Variants in EPB41L3 observed in about 807,000 individuals in gnomAD.
EPB41L3 encodes the protein band 4.1-like protein 3.
In EPB41L3, 57 loss-of-function variants were observed where a neutral mutation model predicts 127.1. The ratio of observed to expected loss-of-function variants is 0.45; its 90% confidence interval spans 0.36 to 0.56. The LOEUF is 0.56. EPB41L3 is among the 20% of genes least tolerant of loss of function. The pLI, the probability that EPB41L3 is intolerant of heterozygous loss-of-function variation, is 0.00. For synonymous variants in EPB41L3, 572 were observed against 549.5 expected, an observed-to-expected ratio of 1.04 and a Z score of -0.57; for missense variants, 1,273 against 1,372.2, an observed-to-expected ratio of 0.93 and a Z score of 1.14.
chr18:5,503,713 C>T (rs553648309), intron 1 of EPB41L3, among the ~76,000 whole-genome samples: 1 of 152,290 alleles, frequency 6.6e-6, no homozygotes, highest in African/African-American at 2.4e-5. Context: ...GCTATCAATT[C>T]GTGCATATTT....
chr18:5,481,561 G>A (rs945163879), intron 2 of EPB41L3, among the ~76,000 whole-genome samples: 2 of 152,238 alleles, frequency 1.3e-5, no homozygotes, highest in African/African-American at 4.8e-5. Context: ...CCATGGGAAG[G>A]AAGTGATGTG....
At position 5,392,684 on chromosome 18, in the gene EPB41L3, A is replaced by G. The variant is rs1382162847; in HGVS notation, c.*801T>C. 1 of 152,624 alleles carries G rather than the reference A, an allele frequency of 6.6e-6. No individual in the cohort carries two copies. Among genetic ancestry groups the G allele is most frequent in the Non-Finnish European group, 1.5e-5 (1 of 68,034 alleles). The allele number at this position is 152,624 out of a possible 1,614,324, so 9.5% of individuals were successfully genotyped here. On this transcript the variant is annotated 3_prime_UTR_variant, in exon 23 of 23. Transcript: ENST00000341928. ...AAGAAAACAAAGCCACAGGAAGCCCAGCAGTTTCTCCTGAAGTGAAATTTC... is the reference window on the plus strand; with the variant it reads ...AAGAAAACAAAGCCACAGGAAGCCCGGCAGTTTCTCCTGAAGTGAAATTTC...
intron 1 of EPB41L3, among the ~76,000 whole-genome samples, chr18:5,500,134 A>G (rs1441006389): frequency 6.6e-6 from 1 of 152,120 alleles, no homozygotes; most frequent in Non-Finnish European, 1.5e-5. Context: ...AATTGATAAG[A>G]AGTCAGTACC....
intron 1 of EPB41L3, among the ~76,000 whole-genome samples, chr18:5,537,000 A>C (rs547771558): frequency 6.6e-6 from 1 of 152,372 alleles, no homozygotes; most frequent in East Asian, 1.9e-4. Flanking sequence ...TACTGTGCTC[A>C]GTGTTTGCAT....
intron 3 of EPB41L3, among the ~76,000 whole-genome samples, chr18:5,591,463 C>T (rs1033973494): frequency 3.9e-5 from 6 of 152,164 alleles, no homozygotes; most frequent in Admixed American, 2.6e-4. Context: ...TATAAAGGCA[C>T]TAATCTCATT....
intron 1 of EPB41L3, among the ~76,000 whole-genome samples, chr18:5,505,687 T>C (rs2092114936): frequency 7.8e-6 from 1 of 128,974 alleles, no homozygotes; most frequent in Non-Finnish European, 1.6e-5. Flanking sequence ...TCTCCACTCC[T>C]TCACCTCCAC....
At chr18:5,549,139 T>A (rs111413907), upstream of EPB41L3, among the ~76,000 whole-genome samples, 18 of 152,250 alleles carry the variant, frequency 1.2e-4, no homozygotes, top group African/African-American at 4.3e-4. Flanking sequence ...TGGTTAACTT[T>A]ATAAACTAAT....
At chr18:5,566,788 T>TACTCCATTCC (rs2094211096) in intron 3 of EPB41L3, among the ~76,000 whole-genome samples, 1 of 112,462 alleles carries the variant, frequency 8.9e-6, no homozygotes, top group Non-Finnish European at 1.9e-5. Context: ...TATTCTATTC[T>TACTCCATTCC]ATTCCATTCC....
chr18:5,452,321 A>G (rs925804920), intron 3 of EPB41L3, among the ~76,000 whole-genome samples: 10 of 151,992 alleles, frequency 6.6e-5, no homozygotes, highest in Non-Finnish European at 1.0e-4. Flanking sequence ...GTCTAGGCCA[A>G]TATTCATAGT....
At chr18:5,534,106 T>C (rs755247652) in intron 1 of EPB41L3, among the ~76,000 whole-genome samples, 5 of 152,038 alleles carry the variant, frequency 3.3e-5, no homozygotes, top group Admixed American at 6.5e-5. Flanking sequence ...GAGCTGGCAG[T>C]GAGCCGAGAT....
intron 3 of EPB41L3, among the ~76,000 whole-genome samples, chr18:5,604,054 C>T (rs1254802208): frequency 6.6e-6 from 1 of 152,054 alleles, no homozygotes; most frequent in Non-Finnish European, 1.5e-5. Context: ...CATATACATA[C>T]ATGCATACAC....
In EPB41L3 at chr18:5,416,003, G is replaced by T. The variant is rs150101312; in HGVS notation, c.1882C>A (p.Arg628Ser). The change falls in exon 13 of 23, where the codon CGC becomes AGC. Residue 628 changes from arginine to serine, a missense_variant. Arg to Ser is a moderately radical substitution (Grantham distance 110). Transcript: ENST00000341928. ...PQSLQHYLPIRSPSLVPCFLF... is the reference protein window; with the variant it reads ...PQSLQHYLPISSPSLVPCFLF... ...AAACAGGGCACAAGGGACGGTGAGCGGATCGGGAGGTAATGCTGCAAGCTC... is the reference window on the plus strand; with the variant it reads ...AAACAGGGCACAAGGGACGGTGAGCTGATCGGGAGGTAATGCTGCAAGCTC... 3 of 1,614,114 alleles carry T rather than the reference G, an allele frequency of 1.9e-6. No homozygotes were observed. The highest frequency in any genetic ancestry group is 1.3e-5 in the African/African-American group (1 of 75,024).
At chr18:5,500,819 C>T (rs2091679253) in intron 1 of EPB41L3, among the ~76,000 whole-genome samples, 1 of 152,094 alleles carries the variant, frequency 6.6e-6, no homozygotes, top group Admixed American at 6.6e-5. Context: ...TTCTAGGAGC[C>T]CTGTAAATTC....
intron 1 of EPB41L3, among the ~76,000 whole-genome samples, chr18:5,537,611 T>C (rs968895223): frequency 6.6e-6 from 1 of 152,124 alleles, no homozygotes; most frequent in Non-Finnish European, 1.5e-5. Flanking sequence ...AAATATCCCT[T>C]AGTCTCATAT....
intron 8 of EPB41L3, among the ~76,000 whole-genome samples, chr18:5,429,651 T>C (rs1414367613): frequency 1.3e-5 from 2 of 152,184 alleles, no homozygotes; most frequent in Non-Finnish European, 2.9e-5. Flanking sequence ...CAACAAAGCA[T>C]AATTGGTTTA....
chr18:5,566,008 A>G (rs1215558857), intron 3 of EPB41L3, among the ~76,000 whole-genome samples: 1 of 152,146 alleles, frequency 6.6e-6, no homozygotes, highest in Non-Finnish European at 1.5e-5. Context: ...AGCCAATATC[A>G]TACTGAATGG....
In EPB41L3 at chr18:5,419,813, C is replaced by T; in HGVS notation, c.1404G>A (p.Val468=). Residue 468 remains valine, a synonymous_variant, in exon 12 of 23, where the codon GTG becomes GTA. Coordinates refer to ENST00000341928, the MANE Select transcript of EPB41L3 (RefSeq NM_012307.5). ...CCTCCTCAGCCTTCTTCTCCGGAGTCACAGTGGTGATCAAGTTGGTCTGAG... is the reference window on the plus strand; with the variant it reads ...CCTCCTCAGCCTTCTTCTCCGGAGTTACAGTGGTGATCAAGTTGGTCTGAG... ...GISQTNLITT[V]TPEKKAEEER... The T allele has an allele frequency of 6.2e-7, 1 of 1,614,208 alleles. No homozygotes were observed. The highest frequency in any genetic ancestry group is 8.5e-7 in the Non-Finnish European group (1 of 1,180,040).
Position 5,562,020 on chromosome 18 carries a change from G to C in EPB41L3, c.-306+50320C>G, listed in dbSNP as rs116428737. Among the ~76,000 whole-genome samples the C allele has an allele frequency of 1.5e-3, 223 of 152,300 alleles. 1 individual carries two copies. The highest frequency in any genetic ancestry group is 5.1e-3 in the African/African-American group (213 of 41,560). ...AGGTGAAAACTGAAGAACCGCCATG[G>C]ATGGGAGACCAAGGAGATCCTAATG... is the stretch of plus-strand genomic sequence containing the variant. On this transcript the variant is annotated intron_variant, in intron 3 of 21. Coordinates refer to the EPB41L3 transcript ENST00000545076.
chr18:5,407,630 A>G (rs1311965668), intron 15 of EPB41L3, 71 bp downstream of exon 15: 2 of 1,513,030 alleles, frequency 1.3e-6, no homozygotes, highest in Non-Finnish European at 1.8e-6. Context: ...TGAACGCTGT[A>G]GACAAACAAT....
Sources: gnomAD v4.1 joint callset for allele counts (sites outside exome capture counted in the v4.1 genomes callset) on GRCh38, gnomAD v4.1.1 for gene constraint, MANE v1.5 for transcripts, NCBI Gene and HGNC (gene_info 2026-07-23, HGNC 2026-07-21) for gene names.